The following AKAP7 variants were observed in gnomAD, a reference collection of about 807,000 sequenced individuals.
AKAP7 encodes A-kinase anchoring protein 7.
Under a neutral mutation model 39.5 loss-of-function variants are expected in AKAP7, and 39 were observed. The ratio of observed to expected loss-of-function variants is 0.99; its 90% CI spans 0.76 to 1.29. The LOEUF (loss-of-function observed/expected upper bound fraction) is 1.29. AKAP7 is among the 50% of genes most tolerant of loss of function. The pLI is 0.00. For synonymous variants in AKAP7, 140 were observed against 139.1 expected, an observed-to-expected ratio of 1.01 and a Z score of -0.05; for missense variants, 414 against 407.7, an observed-to-expected ratio of 1.02 and a Z score of -0.13.
intron 7 of AKAP7, among the ~76,000 whole-genome samples, chr6:131,268,122 C>T (rs991340074): frequency 2.0e-5 from 3 of 152,160 alleles, no homozygotes; most frequent in Non-Finnish European, 4.4e-5. Context: ...TTGGACATTT[C>T]AAGCTGAGAA....
At chr6:131,257,367 CAAAA>C (rs10712918) in intron 7 of AKAP7, among the ~76,000 whole-genome samples, 13 of 89,596 alleles carry the variant, frequency 1.5e-4, no homozygotes, top group Middle Eastern at 6.0e-3. Context: ...GGCCTTGTCT[CAAAA>C]AAAAAAAAAA....
chr6:131,131,434 T>C (rs1418720447), upstream of AKAP7, among the ~76,000 whole-genome samples: 1 of 151,614 alleles, frequency 6.6e-6, no homozygotes, highest in African/African-American at 2.4e-5. Flanking sequence ...TGTAGGACAT[T>C]AAGATTACCC....
intron 1 of AKAP7, among the ~76,000 whole-genome samples, chr6:131,142,321 A>T (rs1418419339): frequency 6.6e-6 from 1 of 152,202 alleles, no homozygotes; most frequent in East Asian, 1.9e-4. Context: ...GTTTTAGGGG[A>T]CAAGCCCAGG....
At chr6:131,205,999 T>G (rs1808061099) in intron 6 of AKAP7, among the ~76,000 whole-genome samples, 1 of 152,226 alleles carries the variant, frequency 6.6e-6, no homozygotes, top group African/African-American at 2.4e-5. Context: ...TTTTTCTTAC[T>G]GAATGAACTT....
chr6:131,257,988 T>C (rs968769182), intron 7 of AKAP7, among the ~76,000 whole-genome samples: 13 of 152,174 alleles, frequency 8.5e-5, no homozygotes, highest in African/African-American at 2.9e-4. Context: ...ACACTTTTTT[T>C]GTTGCAGGGA....
Position 131,199,626 on chromosome 6 carries a change from A to T in AKAP7, c.702+53A>T, listed in dbSNP as rs886435023. The T allele has an allele frequency of 2.2e-6, 3 of 1,368,370 alleles. No homozygotes were observed. In the African/African-American group the frequency reaches 4.3e-5, roughly 20 times the overall value. 84.8% of individuals were successfully genotyped at this position (1,368,370 alleles called of 1,614,324 possible). On this transcript the variant is annotated intron_variant, in intron 6 of 7. Transcript: ENST00000431975. ...GTTTTACCAGGCCACACCAGCCATA[A>T]GCATGGTCTGGAGCACGAGTGACAT...
intron 5 of AKAP7, among the ~76,000 whole-genome samples, chr6:131,175,493 A>G (rs1804490790): frequency 6.6e-6 from 1 of 152,244 alleles, no homozygotes; most frequent in Non-Finnish European, 1.5e-5. Context: ...CTTTGTACTC[A>G]TTACTAAATA....
intron 5 of AKAP7, among the ~76,000 whole-genome samples, chr6:131,196,278 T>C (rs1389521038): frequency 2.0e-5 from 3 of 151,390 alleles, no homozygotes; most frequent in Non-Finnish European, 4.4e-5. Context: ...TTTTTTTTTT[T>C]TTTTTGAGAC....
intron 7 of AKAP7, among the ~76,000 whole-genome samples, chr6:131,240,945 C>T (rs1323028685): frequency 5.9e-5 from 9 of 152,156 alleles, no homozygotes; most frequent in African/African-American, 1.7e-4. Flanking sequence ...CACTGTCCGA[C>T]GCTCCCCAGT....
At chr6:131,267,539 C>A (rs1297432695) in intron 7 of AKAP7, among the ~76,000 whole-genome samples, 4 of 152,130 alleles carry the variant, frequency 2.6e-5, no homozygotes, top group African/African-American at 7.2e-5. Context: ...TTCAGTGTGT[C>A]CCCCTGGAGC....
chr6:131,225,102 T>C (rs1430955323), intron 7 of AKAP7, among the ~76,000 whole-genome samples: 1 of 152,136 alleles, frequency 6.6e-6, no homozygotes, highest in East Asian at 1.9e-4. Context: ...CTTTGCTTCA[T>C]GGATATTAAT....
chr6:131,190,781 T>C (rs1050957912), intron 5 of AKAP7, among the ~76,000 whole-genome samples: 6 of 152,236 alleles, frequency 3.9e-5, no homozygotes, highest in African/African-American at 1.4e-4. Context: ...TAATTTTCTG[T>C]TAACAGAAGT....
At chr6:131,204,810 G>T (rs1176891940) in intron 6 of AKAP7, among the ~76,000 whole-genome samples, 1 of 152,170 alleles carries the variant, frequency 6.6e-6, no homozygotes, top group Non-Finnish European at 1.5e-5. Flanking sequence ...TTCTGGTATG[G>T]AGGGGTGGTG....
intron 5 of AKAP7, among the ~76,000 whole-genome samples, chr6:131,172,078 A>T (rs9321275): frequency 6.6e-6 from 1 of 152,172 alleles, no homozygotes; most frequent in African/African-American, 2.4e-5. Flanking sequence ...CGTCACAAAG[A>T]AAAACAAATG....
Position 131,214,104 on chromosome 6 carries a change from T to C in AKAP7, c.703-5557T>C, listed in dbSNP as rs532222058. Among the ~76,000 whole-genome samples the C allele has an allele frequency of 8.7e-4, 132 of 152,264 alleles. 1 individual carries two copies. The highest frequency in any genetic ancestry group is 1.6e-3 in the Non-Finnish European group (108 of 68,016). ...TTGGTGGCTTTTGTGACGTGACTTG[T>C]GTTATTAGGAATCGTGTTGTCTTCC... On this transcript the variant is annotated intron_variant, in intron 6 of 7. Coordinates refer to ENST00000431975, the MANE Select transcript of AKAP7 (RefSeq NM_016377.4).
intron 3 of AKAP7, chr6:131,164,602 G>C (rs1803297747): frequency 2.9e-6 from 1 of 345,098 alleles, no homozygotes; most frequent in African/African-American, 2.2e-5. Flanking sequence ...AAGGCCATGA[G>C]GAACGGGTTC....
intron 2 of AKAP7, among the ~76,000 whole-genome samples, chr6:131,150,506 A>C (rs1442989684): frequency 6.6e-6 from 1 of 152,206 alleles, no homozygotes; most frequent in Non-Finnish European, 1.5e-5. Context: ...ATCCTCTATA[A>C]TTAATTGGGG....
chr6:131,176,228 G>A (rs1398143667), intron 5 of AKAP7, among the ~76,000 whole-genome samples: 2 of 151,682 alleles, frequency 1.3e-5, no homozygotes, highest in African/African-American at 4.8e-5. Context: ...CAGGTAAGGT[G>A]TATGGCATCA....
chr6:131,220,461 G>A (rs1410763200), intron 7 of AKAP7, among the ~76,000 whole-genome samples: 2 of 152,172 alleles, frequency 1.3e-5, no homozygotes, highest in African/African-American at 4.8e-5. Flanking sequence ...AGCCAGCTCT[G>A]TTGTGATTCA....
Sources: gnomAD v4.1 joint callset for allele counts (sites outside exome capture counted in the v4.1 genomes callset) on GRCh38, gnomAD v4.1.1 for gene constraint, MANE v1.5 for transcripts, NCBI Gene and HGNC (gene_info 2026-07-23, HGNC 2026-07-21) for gene names.